Variants in IQUB observed in about 807,000 individuals in gnomAD.
The protein encoded by IQUB is IQ motif and ubiquitin-like domain-containing protein.
Under a neutral mutation model 86.4 loss-of-function variants are expected in IQUB, and 86 were observed. The ratio of observed to expected loss-of-function variants is 1.00; its 90% CI spans 0.84 to 1.19. The LOEUF (loss-of-function observed/expected upper bound fraction) is 1.19. IQUB is among the 50% of genes most tolerant of loss of function. IQUB has a pLI of 0.00. For missense variants in IQUB, 946 were observed against 916.9 expected (o/e 1.03, Z -0.41); for synonymous variants, 289 against 304.5 (o/e 0.95, Z 0.53).
At chr7:123,527,318 C>CA (rs1412300379) in intron 1 of IQUB, among the ~76,000 whole-genome samples, 1 of 152,238 alleles carries the variant, frequency 6.6e-6, no homozygotes, top group Non-Finnish European at 1.5e-5. Flanking sequence ...CTCAGCTCGT[C>CA]AAAGTCATTC....
At chr7:123,485,427 G>A (rs76821427) in intron 7 of IQUB, among the ~76,000 whole-genome samples, 335 of 152,216 alleles carry the variant, frequency 2.2e-3, no homozygotes, top group Non-Finnish European at 4.0e-3. Context: ...CTGAGGTAAT[G>A]AGGGTTAGGA....
chr7:123,478,266 ACATCCTT>A (rs566452641), intron 8 of IQUB, among the ~76,000 whole-genome samples: 4,878 of 152,246 alleles, frequency 0.032, 251 homozygotes, highest in African/African-American at 0.11. Flanking sequence ...GGATGAGTTC[ACATCCTT>A]TGCAGGGATG....
chr7:123,517,339 G>C (rs1229258934), intron 1 of IQUB, among the ~76,000 whole-genome samples: 2 of 151,616 alleles, frequency 1.3e-5, no homozygotes, highest in East Asian at 3.9e-4. Flanking sequence ...AGACCATCCT[G>C]GCTAACACGG....
chr7:123,477,790 G>C (rs750791421), intron 8 of IQUB, among the ~76,000 whole-genome samples: 3 of 152,082 alleles, frequency 2.0e-5, no homozygotes, highest in Non-Finnish European at 4.4e-5. Flanking sequence ...AGGATATGAA[G>C]AGACATTTCT....
chr7:123,481,443 C>T (rs915788126), intron 7 of IQUB, among the ~76,000 whole-genome samples: 2 of 151,766 alleles, frequency 1.3e-5, no homozygotes, highest in African/African-American at 4.8e-5. Context: ...ACTGCTAAAA[C>T]GATAAAAGAA....
At chr7:123,486,527 G>T (rs1257434855) in intron 7 of IQUB, among the ~76,000 whole-genome samples, 1 of 152,134 alleles carries the variant, frequency 6.6e-6, no homozygotes, top group African/African-American at 2.4e-5. Context: ...TAGCTGGTTT[G>T]TAGCATAATT....
At chr7:123,502,786 C>T (rs755303713) in intron 5 of IQUB, 34 bp from the exon 6 acceptor site, 2 of 1,502,028 alleles carry the variant, frequency 1.3e-6, no homozygotes, top group Non-Finnish European at 9.1e-7. Context: ...AAATCAGTAT[C>T]CCCTATATAT....
intron 1 of IQUB, among the ~76,000 whole-genome samples, chr7:123,526,873 G>A (rs570971862): frequency 1.4e-4 from 21 of 152,132 alleles, no homozygotes; most frequent in African/African-American, 4.6e-4. Flanking sequence ...TTCTTCAGGC[G>A]CTCTTTTAGG....
At chr7:123,454,587 C>T (rs906299147) in intron 12 of IQUB, among the ~76,000 whole-genome samples, 7 of 151,952 alleles carry the variant, frequency 4.6e-5, no homozygotes, top group African/African-American at 1.5e-4. Flanking sequence ...CCTTTTTTCC[C>T]ATTGAAATAA....
At chr7:123,479,018 A>G (rs1794877553) in intron 8 of IQUB, among the ~76,000 whole-genome samples, 1 of 152,152 alleles carries the variant, frequency 6.6e-6, no homozygotes, top group Admixed American at 6.6e-5. Flanking sequence ...CAAATAAAGG[A>G]GTGAAGAAGA....
chr7:123,462,795 A>T (rs1053756193), intron 10 of IQUB: 5 of 454,746 alleles, frequency 1.1e-5, no homozygotes, highest in Admixed American at 9.4e-5. Context: ...TAGATGGAGC[A>T]TTTACTATAA....
chr7:123,531,263 G>T (rs3851978), intron 1 of IQUB, among the ~76,000 whole-genome samples: 2 of 152,076 alleles, frequency 1.3e-5, no homozygotes, highest in African/African-American at 4.8e-5. Flanking sequence ...ATGTGTCTCC[G>T]TGAGGACCAT....
chr7:123,458,045 T>A (rs1184354629), intron 11 of IQUB: 2 of 156,002 alleles, frequency 1.3e-5, no homozygotes, highest in Non-Finnish European at 2.8e-5. Context: ...GCCATGCTAA[T>A]CTTCTCTATA....
intron 10 of IQUB, 158 bp from the exon 11 acceptor site, chr7:123,461,763 ACTT>A (rs1031319013): frequency 2.7e-5 from 16 of 595,732 alleles, no homozygotes; most frequent in Middle Eastern, 5.0e-4. Context: ...TTTTCCCTGA[ACTT>A]CTTATCCTAC....
intron 7 of IQUB, among the ~76,000 whole-genome samples, chr7:123,488,565 G>A (rs1299987021): frequency 2.0e-5 from 3 of 152,040 alleles, no homozygotes; most frequent in Admixed American, 1.3e-4. Context: ...ACTTAGAAAC[G>A]TAAGAAAACG....
At chr7:123,457,236 T>G in intron 12 of IQUB, 145 bp downstream of exon 12, 5 of 1,416,308 alleles carry the variant, frequency 3.5e-6, no homozygotes, top group Non-Finnish European at 4.6e-6. Flanking sequence ...ATGCCATCCA[T>G]AAATTTTTTT....
rs1793976144 is a variant in IQUB at position 123,461,405 on chromosome 7, A to G, written c.1959T>C (p.Tyr653=). ...AATCATCTTCATAATCAGCTTCTGT[A>G]TAGTAGAGCTGTTGAAGTAAACATT... ...KYKCLLQQLY[Y]TEADYEDDSK... The change falls in exon 11 of 13, where the codon TAT becomes TAC. Residue 653 remains tyrosine (Y), a synonymous_variant. Transcript: ENST00000324698. 3 of 1,612,012 alleles carry G rather than the reference A, an allele frequency of 1.9e-6. No individual in the cohort carries two copies. Among genetic ancestry groups the G allele is most frequent in the South Asian group, 1.1e-5 (1 of 90,998 alleles).
intron 4 of IQUB, 23 bp downstream of exon 4, chr7:123,503,179 C>T (rs1232011100): frequency 5.0e-6 from 8 of 1,608,266 alleles, no homozygotes; most frequent in Non-Finnish European, 6.8e-6. Flanking sequence ...AATACTTTAT[C>T]TAAAAGACAT....
At chr7:123,517,597 A>G (rs556509509) in intron 1 of IQUB, among the ~76,000 whole-genome samples, 1 of 151,976 alleles carries the variant, frequency 6.6e-6, no homozygotes, top group South Asian at 2.1e-4. Context: ...TCAGTATACA[A>G]ATACCCTTGA....
Sources: allele counts gnomAD v4.1 joint callset (sites outside exome capture counted in the v4.1 genomes callset), GRCh38; gene constraint gnomAD v4.1.1; transcripts MANE v1.5; gene names NCBI Gene and HGNC (gene_info 2026-07-23, HGNC 2026-07-21).